IARS1: variants seen among roughly 807,000 people sequenced by gnomAD.
IARS1 encodes the protein isoleucine--tRNA ligase, cytoplasmic.
IARS1 carries 124 observed loss-of-function variants against 168.2 expected under a neutral mutation model. The ratio of observed to expected loss-of-function variants is 0.74; its 90% confidence interval spans 0.64 to 0.86. The LOEUF (loss-of-function observed/expected upper bound fraction) is 0.86, where lower values mean the gene tolerates loss of function less well. Ranked by LOEUF, IARS1 falls within the 40% of genes least tolerant of loss-of-function variation. The pLI, the probability that IARS1 is intolerant of heterozygous loss-of-function variation, is 0.00. For synonymous variants in IARS1, 532 were observed against 529.4 expected (o/e 1.00, Z -0.07); for missense variants, 1,452 against 1,515.8 (o/e 0.96, Z 0.70).
intron 31 of IARS1, among the ~76,000 whole-genome samples, chr9:92,227,510 C>T (rs35106404): frequency 0.11 from 16,052 of 149,942 alleles, 579 homozygotes; most frequent in South Asian, 0.2. Context: ...TAGGGGCAGC[C>T]GGGCAGAGGC....
At chr9:92,269,509 T>C (rs1365962599) in intron 13 of IARS1, among the ~76,000 whole-genome samples, 3 of 152,202 alleles carry the variant, frequency 2.0e-5, no homozygotes, top group African/African-American at 4.8e-5. Context: ...TAAGTACAAA[T>C]GGCTTTTGCA....
At chr9:92,268,325 A>G in intron 13 of IARS1, 25 bp from the exon 14 acceptor site, 1 of 1,600,674 alleles carries the variant, frequency 6.2e-7, no homozygotes, top group Non-Finnish European at 8.5e-7. Context: ...TCACATAACC[A>G]ATCACATAAA....
chr9:92,210,292 C>A lies in IARS1; in HGVS notation c.*515G>T, dbSNP rs1837555814. 1 of 152,424 alleles carries A rather than the reference C, an allele frequency of 6.6e-6. No individual in the cohort carries two copies. Among genetic ancestry groups the A allele is most frequent in the South Asian group, 2.1e-4 (1 of 4,842 alleles). The allele number at this position is 152,424 out of a possible 1,614,324, so 9.4% of individuals were successfully genotyped here. The stretch of plus-strand genomic sequence containing the variant: ...GTTTTTATGTTCTTCAAAGTTTACA[C>A]ATTTCAAGTTTCATTTATCTATGGG... On this transcript the variant is annotated 3_prime_UTR_variant, in exon 34 of 34. Coordinates refer to ENST00000443024, the MANE Select transcript of IARS1 (RefSeq NM_002161.6).
chr9:92,269,749 C>T, intron 13 of IARS1, 136 bp downstream of exon 13: 1 of 584,868 alleles, frequency 1.7e-6, no homozygotes, highest in South Asian at 2.1e-5. Context: ...TGCTCCTAAA[C>T]ACACAGAAGA....
At position 92,273,064 on chromosome 9, in the gene IARS1, G is replaced by A. The variant is rs546793035; in HGVS notation, c.990+1362C>T. 2.7e-3 allele frequency among the ~76,000 whole-genome samples: 408 copies of A among 150,052 alleles called. 2 individuals are homozygous for A. The highest frequency in any genetic ancestry group is 0.014 in the Middle Eastern group (4 of 290). ...GGAGAATCGCTTGAACCCAGGAGACGGAGATTGCAGTGAGCCGAGATCCTG... is the reference window on the plus strand; with the variant it reads ...GGAGAATCGCTTGAACCCAGGAGACAGAGATTGCAGTGAGCCGAGATCCTG... On this transcript the variant is annotated intron_variant, in intron 10 of 33. Transcript: ENST00000443024.
At chr9:92,253,552 C>A in intron 20 of IARS1, 99 bp from the exon 21 acceptor site, 1 of 723,260 alleles carries the variant, frequency 1.4e-6, no homozygotes, top group Non-Finnish European at 2.5e-6. Context: ...CTCCTTCCAT[C>A]CAAGTGCCTC....
rs1314370799 is a variant in IARS1 at position 92,222,595 on chromosome 9, G to C, written c.3631C>G (p.Leu1211Val). The change falls in exon 33 of 34, where the codon CTG becomes GTG. Residue 1211 changes from leucine to valine, a missense_variant. Leu to Val is a conservative substitution (Grantham distance 32). Transcript: ENST00000443024. ...GQNGLTHQGL[L>V]YEAAKVFGLR... ...CCAAACACCTTGGCTGCTTCATACA[G>C]AAGACCTTGGTGGGTGAGTCCATTC... 1.2e-6 allele frequency: 2 copies of C among 1,613,956 alleles called. No individual in the cohort carries two copies. Among genetic ancestry groups the C allele is most frequent in the Admixed American group, 3.3e-5 (2 of 59,990 alleles).
chr9:92,256,428 A>G (rs932929539), intron 20 of IARS1: 2 of 220,336 alleles, frequency 9.1e-6, no homozygotes, highest in African/African-American at 4.6e-5. Flanking sequence ...ACCTAAGGTG[A>G]CCTGCCTGCC....
At chr9:92,227,733 C>A (rs6479413) in intron 31 of IARS1, among the ~76,000 whole-genome samples, 1 of 148,628 alleles carries the variant, frequency 6.7e-6, no homozygotes, top group East Asian at 2.1e-4. Context: ...ACATCTCAGA[C>A]GATGGGCGGC....
At chr9:92,287,393 T>A (rs1277158943) in intron 4 of IARS1, 1 of 154,436 alleles carries the variant, frequency 6.5e-6, no homozygotes, top group Non-Finnish European at 1.5e-5. Context: ...TTACCGAAGA[T>A]GTTAGCAGCT....
At chr9:92,275,964 A>C (rs1833720792) in intron 9 of IARS1, among the ~76,000 whole-genome samples, 1 of 152,216 alleles carries the variant, frequency 6.6e-6, no homozygotes, top group Non-Finnish European at 1.5e-5. Flanking sequence ...TACTTAACCT[A>C]AAGTTCCTGT....
In IARS1 at chr9:92,256,737, G is replaced by C. The variant is rs144846345; in HGVS notation, c.2080C>G (p.Arg694Gly). 5 of 1,613,582 alleles carry C rather than the reference G, an allele frequency of 3.1e-6. No individual in the cohort carries two copies. In the African/African-American group the frequency reaches 6.7e-5, roughly 22 times the overall value. ...TVRESPNITD[R>G]WILSFMQSLI... ...GACTGCATGAAGGACAGGATCCACCGGTCTGTAATGTTGGGGCTTTCTCTA... is the reference window on the plus strand; with the variant it reads ...GACTGCATGAAGGACAGGATCCACCCGTCTGTAATGTTGGGGCTTTCTCTA... Residue 694 changes from arginine (R) to glycine (G), a missense_variant, in exon 20 of 34, where the codon CGG (arginine) becomes GGG (glycine). Coordinates refer to ENST00000443024, the MANE Select transcript of IARS1 (RefSeq NM_002161.6).
chr9:92,247,745 C>A (rs929825679), intron 25 of IARS1, among the ~76,000 whole-genome samples, 194 bp from the exon 26 acceptor site: 4 of 152,200 alleles, frequency 2.6e-5, no homozygotes, highest in Admixed American at 2.6e-4. Context: ...AGGACTGAAG[C>A]ACTCATATGT....
At position 92,263,066 on chromosome 9, in the gene IARS1, A is replaced by G; in HGVS notation, c.1701-11T>C. The G allele has an allele frequency of 2.5e-6, 4 of 1,594,406 alleles. No individual in the cohort carries two copies. Among genetic ancestry groups the G allele is most frequent in the Non-Finnish European group, 3.4e-6 (4 of 1,162,422 alleles). On this transcript the variant is annotated splice_polypyrimidine_tract_variant and intron_variant, in intron 16 of 33. Transcript: ENST00000443024. ...AGCAGGGTATAAAACCTGAAAAAAA[A>G]CCCCAAACAGTTCAATAAAAATAGA...
In IARS1 at chr9:92,268,210, G is replaced by A. The variant is rs201058485; in HGVS notation, c.1395C>T (p.Thr465=). The change falls in exon 14 of 34, where the codon ACC becomes ACT. Residue 465 remains threonine, a synonymous_variant. Coordinates refer to ENST00000443024, the MANE Select transcript of IARS1 (RefSeq NM_002161.6). ...CATCGCTGACCCACAGTGGGATGGG[G>A]GTGCCCCAGTATCTGTTTCTGGAAA... ...WTISRNRYWG[T]PIPLWVSDDF... is the part of the protein sequence containing the mutation. 2 of 1,610,216 alleles carry A rather than the reference G, an allele frequency of 1.2e-6. No individual in the cohort carries two copies. Among genetic ancestry groups the A allele is most frequent in the African/African-American group, 1.3e-5 (1 of 74,822 alleles).
intron 26 of IARS1, 168 bp from the exon 27 acceptor site, chr9:92,245,239 C>G: frequency 1.7e-6 from 1 of 604,020 alleles, no homozygotes; most frequent in East Asian, 2.8e-5. Flanking sequence ...CAAGACATGA[C>G]AAACTTTCTT....
intron 33 of IARS1, among the ~76,000 whole-genome samples, chr9:92,214,193 G>A (rs1838231954): frequency 6.6e-6 from 1 of 151,958 alleles, no homozygotes; most frequent in Non-Finnish European, 1.5e-5. Flanking sequence ...TCTTAAAACT[G>A]GGCTTCAACA....
intron 9 of IARS1, among the ~76,000 whole-genome samples, chr9:92,277,502 A>T (rs1263552830): frequency 6.6e-6 from 1 of 151,974 alleles, no homozygotes; most frequent in Non-Finnish European, 1.5e-5. Flanking sequence ...GCATAGCGAG[A>T]TTCTGTCTCT....
At chr9:92,220,258 G>C (rs1192143403) in intron 33 of IARS1, among the ~76,000 whole-genome samples, 20 of 90,758 alleles carry the variant, frequency 2.2e-4, no homozygotes, top group South Asian at 7.6e-4. Context: ...TCACACTCTG[G>C]GGACTGTTGT....
Sources: gnomAD v4.1 joint callset for allele counts (sites outside exome capture counted in the v4.1 genomes callset) on GRCh38, gnomAD v4.1.1 for gene constraint, MANE v1.5 for transcripts, NCBI Gene and HGNC (gene_info 2026-07-23, HGNC 2026-07-21) for gene names.